Variants in AP4S1 observed in about 807,000 individuals in gnomAD.
The protein encoded by AP4S1 is AP-4 complex subunit sigma-1.
A neutral mutation model predicts 19.8 loss-of-function variants in AP4S1; 23 were observed. That is an observed-to-expected ratio of 1.16 (90% confidence interval 0.84 to 1.65). The LOEUF is 1.65. Ranked by LOEUF, AP4S1 falls within the 40% of genes most tolerant of loss-of-function variation. The pLI is 0.00. For missense variants in AP4S1, 166 were observed against 172.8 expected (o/e 0.96, Z 0.22); for synonymous variants, 46 against 54.1 (o/e 0.85, Z 0.66).
At chr14:31,038,139 T>C (rs1187477017) in intron 1 of AP4S1, among the ~76,000 whole-genome samples, 1 of 152,220 alleles carries the variant, frequency 6.6e-6, no homozygotes, top group Non-Finnish European at 1.5e-5. Flanking sequence ...GATACACTTC[T>C]GTAAACTTGG....
chr14:31,044,806 G>A (rs1179362564), intron 1 of AP4S1, among the ~76,000 whole-genome samples: 3 of 151,972 alleles, frequency 2.0e-5, no homozygotes, highest in Admixed American at 2.0e-4. Context: ...CATTCCAAGG[G>A]TAATCGTTCA....
intron 1 of AP4S1, among the ~76,000 whole-genome samples, chr14:31,065,389 T>C (rs1047806098): frequency 6.6e-6 from 1 of 152,204 alleles, no homozygotes. Context: ...TGTACACCTA[T>C]GGAAGCGGAC....
intron 2 of AP4S1, among the ~76,000 whole-genome samples, chr14:31,066,836 T>A (rs865998980): frequency 2.6e-5 from 4 of 152,346 alleles, no homozygotes; most frequent in African/African-American, 7.2e-5. Context: ...ACCACCAATA[T>A]AATACTGAAA....
chr14:31,071,438 T>C (rs996572408), intron 3 of AP4S1, among the ~76,000 whole-genome samples: 1 of 152,156 alleles, frequency 6.6e-6, no homozygotes, highest in Non-Finnish European at 1.5e-5. Context: ...AAGATTCTTT[T>C]GGAGATGGAA....
intron 1 of AP4S1, among the ~76,000 whole-genome samples, chr14:31,031,139 A>G (rs2139406925): frequency 1.3e-5 from 2 of 152,220 alleles, no homozygotes; most frequent in South Asian, 4.1e-4. Flanking sequence ...CCTTCATGTA[A>G]GATGTACTTG....
At chr14:31,036,087 T>C (rs1055037079) in intron 1 of AP4S1, among the ~76,000 whole-genome samples, 1 of 152,032 alleles carries the variant, frequency 6.6e-6, no homozygotes, top group African/African-American at 2.4e-5. Context: ...ACAATTATGT[T>C]ATCATTTAAT....
chr14:31,084,849 C>G (rs776944069), intron 5 of AP4S1: 29 of 1,614,198 alleles, frequency 1.8e-5, no homozygotes, highest in Non-Finnish European at 2.5e-5. Context: ...GTTCATCATT[C>G]AAAGGAGCTG....
intron 3 of AP4S1, among the ~76,000 whole-genome samples, chr14:31,071,732 C>T (rs1214401823): frequency 2.6e-5 from 4 of 151,174 alleles, no homozygotes; most frequent in Non-Finnish European, 4.4e-5. Flanking sequence ...TTTTTTAAGA[C>T]ATGGTCTCTC....
At chr14:31,090,011 CAG>C (rs1489744939) in intron 5 of AP4S1, among the ~76,000 whole-genome samples, 2 of 152,194 alleles carry the variant, frequency 1.3e-5, no homozygotes, top group South Asian at 2.1e-4. Flanking sequence ...TATTCTGAGA[CAG>C]AGTCTTACTC....
intron 1 of AP4S1, among the ~76,000 whole-genome samples, chr14:31,048,656 A>G (rs911707401): frequency 2.6e-5 from 4 of 151,986 alleles, no homozygotes; most frequent in African/African-American, 9.7e-5. Flanking sequence ...GGAGAATCAC[A>G]TGACCTCAAG....
Position 31,091,674 on chromosome 14 carries a change from A to G in AP4S1, c.307-1233A>G, listed in dbSNP as rs572743002. On this transcript the variant is annotated intron_variant, in intron 5 of 5. Transcript: ENST00000542754. ...TTTAAAGTCATTCACCATTTGTCCT[A>G]TTCTGTGTAGTTGCACTTCACTAAG... Among the ~76,000 whole-genome samples, 6 of 152,242 alleles carry G rather than the reference A, an allele frequency of 3.9e-5. No homozygotes were observed. In the South Asian group the frequency reaches 1.2e-3, roughly 32 times the overall value.
intron 5 of AP4S1, chr14:31,084,954 A>T: frequency 6.2e-7 from 1 of 1,608,990 alleles, no homozygotes; most frequent in South Asian, 1.1e-5. Flanking sequence ...ATCAGTGCGT[A>T]CCTGCTCTAC....
chr14:31,061,784 A>G (rs948717161), intron 1 of AP4S1, among the ~76,000 whole-genome samples: 1 of 151,966 alleles, frequency 6.6e-6, no homozygotes, highest in Admixed American at 6.6e-5. Context: ...CTGGGACTAC[A>G]GGTGCATGCC....
intron 1 of AP4S1, among the ~76,000 whole-genome samples, chr14:31,059,454 G>T (rs1365374358): frequency 6.6e-6 from 1 of 152,168 alleles, no homozygotes; most frequent in Non-Finnish European, 1.5e-5. Context: ...CAAAGGTTTG[G>T]CCATGAGTAC....
chr14:31,044,857 G>T (rs1333129722), intron 1 of AP4S1, among the ~76,000 whole-genome samples: 1 of 151,846 alleles, frequency 6.6e-6, no homozygotes, highest in Non-Finnish European at 1.5e-5. Context: ...TCAGGTTTGG[G>T]GGCAGACATG....
At position 31,049,440 on chromosome 14, in the gene AP4S1, T is replaced by TAC. The variant is rs1885636005; in HGVS notation, c.-71-16685_-71-16684insCA. Among the ~76,000 whole-genome samples the TAC allele has an allele frequency of 1.1e-4, 6 of 54,062 alleles. No homozygotes were observed. The South Asian group carries it at 3.6e-3, about 32-fold the overall frequency. The allele number at this position is 54,062 out of a possible 152,430, so 35.5% of individuals were successfully genotyped here. On this transcript the variant is annotated intron_variant, in intron 1 of 5. Coordinates refer to ENST00000542754, the MANE Select transcript of AP4S1 (RefSeq NM_001128126.3). Reference sequence around the variant, plus strand: ...AAAAAAAAAAAAAAATATATATATATATATATATATATATATATATATGTA... The same window carrying TAC: ...AAAAAAAAAAAAAAATATATATATATACATATATATATATATATATATATGTA...
At chr14:31,049,463 GTATA>G (rs1885645814) in intron 1 of AP4S1, among the ~76,000 whole-genome samples, 1 of 40,086 alleles carries the variant, frequency 2.5e-5, no homozygotes, top group Admixed American at 3.0e-4. Flanking sequence ...ATATATATAT[GTATA>G]TATATGTACA....
At chr14:31,045,824 C>T (rs937949066) in intron 1 of AP4S1, among the ~76,000 whole-genome samples, 4 of 151,908 alleles carry the variant, frequency 2.6e-5, no homozygotes, top group Admixed American at 6.6e-5. Context: ...TGAGTTTATA[C>T]TAATAAAGTG....
Position 31,095,300 on chromosome 14 carries a change from G to C in AP4S1, c.*2265G>C, listed in dbSNP as rs558069257. 1 of 152,186 alleles carries C rather than the reference G, an allele frequency of 6.6e-6. No individual in the cohort carries two copies. The highest frequency in any genetic ancestry group is 2.4e-5 in the African/African-American group (1 of 41,438). 9.4% of individuals were successfully genotyped at this position (152,186 alleles called of 1,614,324 possible). A position where few individuals can be genotyped will look rare whatever the true frequency, so the allele number is the denominator to read the frequency against. ...TAAAAGCCTTTGATACTCATTTTAA[G>C]GGCACTTAGTAATTACAATGCCATT... On this transcript the variant is annotated 3_prime_UTR_variant, in exon 6 of 6. Coordinates refer to ENST00000542754, the MANE Select transcript of AP4S1 (RefSeq NM_001128126.3).
Sources: allele counts gnomAD v4.1 joint callset (sites outside exome capture counted in the v4.1 genomes callset), GRCh38; gene constraint gnomAD v4.1.1; transcripts MANE v1.5; gene names NCBI Gene and HGNC (gene_info 2026-07-23, HGNC 2026-07-21).